Variants in CDH13 observed in about 807,000 individuals in gnomAD.
The protein encoded by CDH13 is cadherin-13.
Under a neutral mutation model 63.8 loss-of-function variants are expected in CDH13, and 24 were observed. The observed-to-expected ratio is 0.38, with a 90% CI of 0.27 to 0.53. CDH13 has a LOEUF of 0.53. CDH13 is among the 20% of genes least tolerant of loss of function. The pLI is 0.85. For missense variants in CDH13, 1,049 were observed against 903.1 expected (o/e 1.16, Z -2.07); for synonymous variants, 503 against 355.3 (o/e 1.42, Z -4.67).
At chr16:83,697,397 C>T (rs997698886) in intron 10 of CDH13, among the ~76,000 whole-genome samples, 1 of 152,162 alleles carries the variant, frequency 6.6e-6, no homozygotes, top group Non-Finnish European at 1.5e-5. Context: ...GAGCACAGTG[C>T]GGAAGTGCTG....
At chr16:83,434,672 G>C (rs918566248) in intron 6 of CDH13, among the ~76,000 whole-genome samples, 1 of 151,548 alleles carries the variant, frequency 6.6e-6, no homozygotes, top group Admixed American at 6.6e-5. Flanking sequence ...CCCTGTCTTA[G>C]AGCCAATCCA....
At chr16:82,714,280 C>T (rs948146446) in intron 1 of CDH13, among the ~76,000 whole-genome samples, 4 of 152,096 alleles carry the variant, frequency 2.6e-5, no homozygotes, top group Admixed American at 2.0e-4. Flanking sequence ...AATTGTGTTC[C>T]CCCAAAAGAT....
intron 1 of CDH13, among the ~76,000 whole-genome samples, chr16:82,831,093 C>G (rs1004504254): frequency 6.6e-6 from 1 of 152,036 alleles, no homozygotes; most frequent in Non-Finnish European, 1.5e-5. Context: ...TTCAGCATCA[C>G]CTGAGCACTT....
intron 4 of CDH13, among the ~76,000 whole-genome samples, chr16:83,151,190 G>A (rs934816936): frequency 1.3e-5 from 2 of 152,128 alleles, no homozygotes; most frequent in East Asian, 1.9e-4. Context: ...TAGGAAACTC[G>A]AAGGCCCATC....
At chr16:83,125,244 A>T (rs1281489568) in intron 3 of CDH13, 141 bp from the exon 4 acceptor site, 1 of 594,264 alleles carries the variant, frequency 1.7e-6, no homozygotes, top group Non-Finnish European at 3.0e-6. Flanking sequence ...GTACTTGGTA[A>T]TGCTAATAGG....
intron 7 of CDH13, among the ~76,000 whole-genome samples, chr16:83,601,020 C>T (rs1361136215): frequency 6.6e-6 from 1 of 152,124 alleles, no homozygotes; most frequent in Non-Finnish European, 1.5e-5. Flanking sequence ...CACAGGGAAA[C>T]AGAACTTCCT....
rs1297929024 is a variant in CDH13 at position 83,796,811 on chromosome 16, T to A, written c.*1781T>A. ...CTCATGATATGATCTGAGGGTGTCA[T>A]AATCAGCTATAAAGGTAATTGCATA... On this transcript the variant is annotated 3_prime_UTR_variant, in exon 14 of 14. Transcript: ENST00000567109. 2.0e-5 allele frequency: 3 copies of A among 152,208 alleles called. No homozygotes were observed. The highest frequency in any genetic ancestry group is 7.2e-5 in the African/African-American group (3 of 41,450). The allele number at this position is 152,208 out of a possible 1,614,324, so 9.4% of individuals were successfully genotyped here.
At chr16:83,236,188 C>G (rs1051927276) in intron 5 of CDH13, among the ~76,000 whole-genome samples, 1 of 151,300 alleles carries the variant, frequency 6.6e-6, no homozygotes, top group African/African-American at 2.4e-5. Flanking sequence ...CAAACTAGTT[C>G]TGAAAACATA....
intron 11 of CDH13, among the ~76,000 whole-genome samples, chr16:83,755,386 T>C (rs190403103): frequency 4.6e-5 from 7 of 152,030 alleles, no homozygotes; most frequent in Non-Finnish European, 8.8e-5. Flanking sequence ...AAAAAAAAAT[T>C]TGAAGATGTA....
intron 1 of CDH13, among the ~76,000 whole-genome samples, chr16:82,732,170 G>C (rs558781527): frequency 6.6e-6 from 1 of 152,236 alleles, no homozygotes; most frequent in Non-Finnish European, 1.5e-5. Flanking sequence ...AAGACTGCAC[G>C]CTTCCCCAGG....
intron 10 of CDH13, among the ~76,000 whole-genome samples, chr16:83,724,095 G>A (rs111067794): frequency 0.047 from 7,178 of 151,294 alleles, 326 homozygotes; most frequent in East Asian, 0.25. Context: ...GGAAAGCATG[G>A]GTGGGTGATG....
intron 1 of CDH13, among the ~76,000 whole-genome samples, chr16:82,764,955 C>T (rs929940861): frequency 2.6e-5 from 4 of 152,010 alleles, no homozygotes; most frequent in Non-Finnish European, 5.9e-5. Context: ...GCTGAAACTA[C>T]AGACGTGTGC....
At chr16:83,421,499 G>C (rs1355173030) in intron 6 of CDH13, among the ~76,000 whole-genome samples, 1 of 152,134 alleles carries the variant, frequency 6.6e-6, no homozygotes, top group Non-Finnish European at 1.5e-5. Context: ...GTTGCAAGAC[G>C]GCTGATGCAA....
At chr16:82,903,544 C>G (rs1292153651) in intron 2 of CDH13, among the ~76,000 whole-genome samples, 1 of 152,176 alleles carries the variant, frequency 6.6e-6, no homozygotes, top group African/African-American at 2.4e-5. Flanking sequence ...CTTTCTCTGA[C>G]GCTTAGGACT....
chr16:82,678,781 G>A (rs908643427), intron 1 of CDH13, among the ~76,000 whole-genome samples: 1 of 152,146 alleles, frequency 6.6e-6, no homozygotes, highest in African/African-American at 2.4e-5. Context: ...GAAAAAGTGT[G>A]GGAAGTTTCT....
At chr16:83,502,630 C>A (rs558578530) in intron 7 of CDH13, among the ~76,000 whole-genome samples, 85 of 152,262 alleles carry the variant, frequency 5.6e-4, no homozygotes, top group Middle Eastern at 3.4e-3. Flanking sequence ...AGCTTTTGAC[C>A]TTGAAAGAGA....
At chr16:82,764,815 C>CTTTT (rs567333858) in intron 1 of CDH13, among the ~76,000 whole-genome samples, 2 of 135,274 alleles carry the variant, frequency 1.5e-5, no homozygotes, top group African/African-American at 5.4e-5. Flanking sequence ...TTCATTCATT[C>CTTTT]TTTTTTTTTT....
chr16:83,402,769 T>A (rs185440982), intron 6 of CDH13, among the ~76,000 whole-genome samples: 1 of 152,254 alleles, frequency 6.6e-6, no homozygotes, highest in Non-Finnish European at 1.5e-5. Context: ...ATTATTAGTA[T>A]GCAATTTCAT....
At chr16:82,822,430 A>G (rs577804004) in intron 1 of CDH13, among the ~76,000 whole-genome samples, 7 of 152,316 alleles carry the variant, frequency 4.6e-5, no homozygotes, top group South Asian at 2.1e-4. Context: ...TTCACATACA[A>G]ATTTACTTTT....
Sources: gnomAD v4.1 joint callset for allele counts (sites outside exome capture counted in the v4.1 genomes callset) on GRCh38, gnomAD v4.1.1 for gene constraint, MANE v1.5 for transcripts, NCBI Gene and HGNC (gene_info 2026-07-23, HGNC 2026-07-21) for gene names.